Variants in JMJD1C observed in about 807,000 individuals in gnomAD.
JMJD1C encodes jumonji domain containing 1C, also known as jumonji domain-containing protein 1C.
Under a neutral mutation model 245.3 loss-of-function variants are expected in JMJD1C, and 31 were observed. The ratio of observed to expected loss-of-function variants is 0.13; its 90% CI spans 0.09 to 0.17. The LOEUF is 0.17. Among genes scored for constraint, JMJD1C ranks in the 10% least tolerant of loss-of-function variants. The probability of loss-of-function intolerance (pLI) is 1.00; values close to 1 mark genes in which losing one functional copy is unlikely to be tolerated. For missense variants in JMJD1C, 2,691 were observed against 3,000.2 expected, an observed-to-expected ratio of 0.90 and a Z score of 2.41; for synonymous variants, 1,057 against 1,017.4, an observed-to-expected ratio of 1.04 and a Z score of -0.74.
At chr10:63,235,332 C>T (rs1475872992) in intron 3 of JMJD1C, among the ~76,000 whole-genome samples, 1 of 152,012 alleles carries the variant, frequency 6.6e-6, no homozygotes, top group Non-Finnish European at 1.5e-5. Flanking sequence ...CCCATCGCTC[C>T]TAAAAATACA....
intron 3 of JMJD1C, among the ~76,000 whole-genome samples, chr10:63,250,834 G>A (rs1468452524): frequency 6.6e-6 from 1 of 152,114 alleles, no homozygotes; most frequent in African/African-American, 2.4e-5. Context: ...TCGATCTCCT[G>A]GGCTCAAGCA....
Position 63,489,491 on chromosome 10 carries a change from C to G in JMJD1C, n.113+32247G>C, listed in dbSNP as rs16918519. ...TCAAGTGTTTAGAAAGCTTCTTCCA[C>G]TCTTTCACCGAGTACTGGCTGAAAG... On this transcript the variant is annotated intron_variant and non_coding_transcript_variant, in intron 1 of 3. Transcript: ENST00000633035. 5.8e-3 allele frequency: 911 copies of G among 155,800 alleles called. 22 individuals carry two copies. The East Asian group carries it at 0.068, about 12-fold the overall frequency. The allele number at this position is 155,800 out of a possible 1,614,324, so 9.7% of individuals were successfully genotyped here. A position where few individuals can be genotyped will look rare whatever the true frequency, so the allele number is the denominator to read the frequency against.
At chr10:63,520,060 A>T (rs1182846544) in intron 1 of JMJD1C, among the ~76,000 whole-genome samples, 1 of 152,242 alleles carries the variant, frequency 6.6e-6, no homozygotes, top group Non-Finnish European at 1.5e-5. Flanking sequence ...TGAATTAATA[A>T]GCGAAAAGAA....
chr10:63,462,037 G>A (rs1952832142), intron 1 of JMJD1C, among the ~76,000 whole-genome samples: 1 of 152,090 alleles, frequency 6.6e-6, no homozygotes, highest in South Asian at 2.1e-4. Context: ...CAGCAGTAAT[G>A]TCAAAAATGT....
At chr10:63,298,645 T>C (rs1484999468) in intron 2 of JMJD1C, among the ~76,000 whole-genome samples, 5 of 152,254 alleles carry the variant, frequency 3.3e-5, no homozygotes, top group Non-Finnish European at 7.3e-5. Flanking sequence ...AGGTTTTCAA[T>C]ATATCTTTTT....
intron 3 of JMJD1C, among the ~76,000 whole-genome samples, chr10:63,244,699 G>A (rs1054805528): frequency 2.6e-5 from 4 of 151,834 alleles, no homozygotes; most frequent in Admixed American, 6.6e-5. Flanking sequence ...AAAATCAGCC[G>A]GGGTGGTGGT....
At chr10:63,363,247 CAATT>C (rs1945543971) in intron 2 of JMJD1C, among the ~76,000 whole-genome samples, 1 of 135,808 alleles carries the variant, frequency 7.4e-6, no homozygotes, top group Non-Finnish European at 1.6e-5. Context: ...TCTCTTCATA[CAATT>C]CTTTTTTTTT....
At chr10:63,179,165 T>G (rs774215227) in intron 22 of JMJD1C, among the ~76,000 whole-genome samples, 17 of 152,016 alleles carry the variant, frequency 1.1e-4, no homozygotes, top group Non-Finnish European at 2.2e-4. Context: ...ATCCCAGCAC[T>G]TTGGGAGGCC....
At chr10:63,223,812 G>A (rs1398364459) in intron 3 of JMJD1C, among the ~76,000 whole-genome samples, 1 of 152,050 alleles carries the variant, frequency 6.6e-6, no homozygotes, top group African/African-American at 2.4e-5. Context: ...GGAGTGCAGT[G>A]GTGCAATCTC....
intron 1 of JMJD1C, among the ~76,000 whole-genome samples, chr10:63,504,505 A>G (rs1954657514): frequency 6.6e-6 from 1 of 152,198 alleles, no homozygotes; most frequent in Non-Finnish European, 1.5e-5. Context: ...AAGGAGGCTG[A>G]CATGTTTACA....
intron 2 of JMJD1C, among the ~76,000 whole-genome samples, chr10:63,340,477 A>G (rs72835365): frequency 0.018 from 2,702 of 152,284 alleles, 47 homozygotes; most frequent in Non-Finnish European, 0.026. Context: ...GAAAATGTCA[A>G]AAAGTCCTTC....
At chr10:63,263,074 A>T (rs1274134023) in intron 3 of JMJD1C, among the ~76,000 whole-genome samples, 1 of 152,172 alleles carries the variant, frequency 6.6e-6, no homozygotes, top group East Asian at 1.9e-4. Context: ...CCTCTAACTG[A>T]CTGGGGGAAA....
At chr10:63,454,115 C>T (rs1952247792) in intron 1 of JMJD1C, among the ~76,000 whole-genome samples, 2 of 151,736 alleles carry the variant, frequency 1.3e-5, no homozygotes, top group Non-Finnish European at 1.5e-5. Flanking sequence ...TACAGAATAG[C>T]TGTATCCAAT....
chr10:63,269,356 G>A (rs1750650400), intron 2 of JMJD1C: 2 of 263,370 alleles, frequency 7.6e-6, no homozygotes, highest in South Asian at 1.4e-4. Flanking sequence ...ATTTGGCTGC[G>A]GCCATAGAGA....
chr10:63,339,103 C>G (rs1943139484), intron 2 of JMJD1C, among the ~76,000 whole-genome samples: 1 of 152,284 alleles, frequency 6.6e-6, no homozygotes, highest in East Asian at 1.9e-4. Flanking sequence ...ATTCTACAAG[C>G]TGGTAGATAC....
Position 63,495,407 on chromosome 10 carries a change from A to T in JMJD1C, n.113+26331T>A, listed in dbSNP as rs908908891. Among the ~76,000 whole-genome samples, 7 of 98,570 alleles carry T rather than the reference A, an allele frequency of 7.1e-5. No individual in the cohort carries two copies. The Admixed American group carries it at 8.3e-4, about 12-fold the overall frequency. 64.7% of individuals were successfully genotyped at this position (98,570 alleles called of 152,430 possible). On this transcript the variant is annotated intron_variant and non_coding_transcript_variant, in intron 1 of 3. Transcript: ENST00000633035. The stretch of plus-strand genomic sequence containing the variant: ...ATATTTTTTAAACCCAAGAATTCAT[A>T]AAAAAAAAAAAAGACTAAAAACAAT...
intron 1 of JMJD1C, among the ~76,000 whole-genome samples, chr10:63,439,003 A>G (rs1951211067): frequency 6.6e-6 from 1 of 152,078 alleles, no homozygotes; most frequent in Non-Finnish European, 1.5e-5. Context: ...TCCTTTCACA[A>G]CTTTATTCCC....
intron 2 of JMJD1C, chr10:63,268,842 C>T: frequency 1.0e-6 from 1 of 985,834 alleles, no homozygotes; most frequent in African/African-American, 1.7e-5. Flanking sequence ...TCTGAGCTCA[C>T]TTGCAGCGGC....
intron 19 of JMJD1C, 25 bp downstream of exon 19, chr10:63,186,190 A>T: frequency 6.4e-7 from 1 of 1,555,484 alleles, no homozygotes; most frequent in Non-Finnish European, 8.8e-7. Flanking sequence ...TGATGGAGAA[A>T]ATAGTAAAAT....
Sources: gnomAD v4.1 joint callset for allele counts (sites outside exome capture counted in the v4.1 genomes callset) on GRCh38, gnomAD v4.1.1 for gene constraint, MANE v1.5 for transcripts, NCBI Gene and HGNC (gene_info 2026-07-23, HGNC 2026-07-21) for gene names.